UBR3: variants seen among roughly 807,000 people sequenced by gnomAD.
UBR3 encodes ubiquitin protein ligase E3 component n-recognin 3, also known as E3 ubiquitin-protein ligase UBR3.
A neutral mutation model predicts 243.2 loss-of-function variants in UBR3; 85 were observed. The observed-to-expected ratio is 0.35, with a 90% CI of 0.29 to 0.42. The LOEUF (loss-of-function observed/expected upper bound fraction) is 0.42, where lower values mean the gene tolerates loss of function less well. UBR3 is among the 10% of genes least tolerant of loss of function. The pLI is 1.00. For missense variants in UBR3, 1,686 were observed against 2,300.8 expected, an observed-to-expected ratio of 0.73 and a Z score of 5.47; for synonymous variants, 748 against 799.8, an observed-to-expected ratio of 0.94 and a Z score of 1.09.
At chr2:169,832,032 TC>T (rs2081956886) in intron 1 of UBR3, among the ~76,000 whole-genome samples, 1 of 152,212 alleles carries the variant, frequency 6.6e-6, no homozygotes, top group African/African-American at 2.4e-5. Flanking sequence ...TGTAGGATGT[TC>T]TTGATTGGAG....
rs142676416 is a variant in UBR3 at position 170,066,729 on chromosome 2, G to A, written c.5019+5286G>A. On this transcript the variant is annotated intron_variant, in intron 35 of 38. Transcript: ENST00000272793. ...CGCCTGTAATCCCAGCACTTTGGGA[G>A]GCTGAGGTGGGCGATCACAAGGTCA... is the stretch of plus-strand genomic sequence containing the variant. Among the ~76,000 whole-genome samples, 578 of 152,216 alleles carry A rather than the reference G, an allele frequency of 3.8e-3. 5 individuals carry two copies. The highest frequency in any genetic ancestry group is 0.013 in the African/African-American group (542 of 41,554).
intron 1 of UBR3, among the ~76,000 whole-genome samples, chr2:169,865,097 T>A (rs1559035840): frequency 6.6e-6 from 1 of 150,380 alleles, no homozygotes; most frequent in African/African-American, 2.4e-5. Flanking sequence ...AAAAAAAAAT[T>A]TTTTTTTTTG....
chr2:170,076,746 G>A (rs1207734025), intron 36 of UBR3, among the ~76,000 whole-genome samples: 1 of 152,208 alleles, frequency 6.6e-6, no homozygotes, highest in Non-Finnish European at 1.5e-5. Context: ...GAGCAAGGAT[G>A]TGATACCAAA....
intron 35 of UBR3, among the ~76,000 whole-genome samples, chr2:170,066,718 G>A (rs2091575783): frequency 6.6e-6 from 1 of 152,100 alleles, no homozygotes; most frequent in African/African-American, 2.4e-5. Context: ...TGTAATCCCA[G>A]CACTTTGGGA....
At chr2:169,924,330 T>C (rs1403396482) in intron 13 of UBR3, among the ~76,000 whole-genome samples, 157 bp downstream of exon 13, 1 of 152,236 alleles carries the variant, frequency 6.6e-6, no homozygotes, top group African/African-American at 2.4e-5. Flanking sequence ...GTTTAGGTAT[T>C]TTTCATTTTA....
intron 27 of UBR3, among the ~76,000 whole-genome samples, chr2:170,002,850 T>TTTTA (rs1412617006): frequency 3.9e-5 from 6 of 152,122 alleles, no homozygotes; most frequent in Admixed American, 2.0e-4. Context: ...GTAACTTTTA[T>TTTTA]TTTATTTATT....
At chr2:170,003,243 A>C (rs1427848389) in intron 27 of UBR3, among the ~76,000 whole-genome samples, 2 of 152,134 alleles carry the variant, frequency 1.3e-5, no homozygotes, top group Non-Finnish European at 2.9e-5. Flanking sequence ...TACTACATTG[A>C]GCTTTCTAAA....
chr2:169,968,899 A>G (rs1001443877), intron 24 of UBR3, among the ~76,000 whole-genome samples: 3 of 152,092 alleles, frequency 2.0e-5, no homozygotes, highest in African/African-American at 7.2e-5. Flanking sequence ...GGTGAGATGG[A>G]TGATATCTTG....
chr2:169,895,562 G>A (rs188908585), intron 7 of UBR3, among the ~76,000 whole-genome samples: 51 of 152,236 alleles, frequency 3.4e-4, no homozygotes, highest in Non-Finnish European at 1.5e-4. Context: ...GGGAATGCTG[G>A]GGAACAAACA....
intron 1 of UBR3, among the ~76,000 whole-genome samples, chr2:169,856,896 C>A (rs1365016636): frequency 6.6e-6 from 1 of 151,928 alleles, no homozygotes; most frequent in African/African-American, 2.4e-5. Context: ...AGTATGTCAT[C>A]AAACTTTTGG....
intron 8 of UBR3, among the ~76,000 whole-genome samples, chr2:169,898,117 A>C (rs549570623): frequency 6.6e-6 from 1 of 152,326 alleles, no homozygotes; most frequent in East Asian, 1.9e-4. Context: ...TAGGAGCTAA[A>C]CTTTAAAAAT....
rs2089400478 is a variant in UBR3 at position 169,994,233 on chromosome 2, T to G, written c.3785-90T>G. 7.0e-6 allele frequency: 10 copies of G among 1,436,484 alleles called. 1 individual carries two copies. Among genetic ancestry groups the G allele is most frequent in the Non-Finnish European group, 8.6e-6 (9 of 1,051,840 alleles). The allele number at this position is 1,436,484 out of a possible 1,614,324, so 89.0% of individuals were successfully genotyped here. A position where few individuals can be genotyped will look rare whatever the true frequency, so the allele number is the denominator to read the frequency against. ...ATTCTAATAGTGAAATAATTTGAGT[T>G]GCTTGTGGTAAATAACTCAGCTTTT... On this transcript the variant is annotated intron_variant, in intron 25 of 38. Transcript: ENST00000272793.
intron 9 of UBR3, 71 bp from the exon 10 acceptor site, chr2:169,905,960 A>G (rs2084995446): frequency 4.7e-6 from 7 of 1,499,112 alleles, no homozygotes; most frequent in East Asian, 5.0e-5. Flanking sequence ...GGACTGGGAA[A>G]TGTACTTGAT....
chr2:169,949,719 A>C lies in UBR3; in HGVS notation c.3199A>C (p.Ser1067Arg), dbSNP rs2086932552. The change falls in exon 23 of 39, where the codon AGT (serine) becomes CGT (arginine). Residue 1067 changes from serine (S) to arginine (R), a missense_variant. This residue lies in a region of UBR3 where 300 missense variants were observed against 314.4 expected (regional missense o/e 0.95). Transcript: ENST00000272793. ...TCAGGTGGTTCGTCCCAAAACTTCA[A>C]GTAAATGGTCTGCTCCTGGTTCAGC... ...ANQVVRPKTS[S>R]KWSAPGSAPQ... The C allele has an allele frequency of 6.4e-7, 1 of 1,551,716 alleles. No homozygotes were observed. Among genetic ancestry groups the C allele is most frequent in the Non-Finnish European group, 8.7e-7 (1 of 1,146,790 alleles).
intron 32 of UBR3, among the ~76,000 whole-genome samples, chr2:170,043,290 C>A (rs1002039567): frequency 7.9e-5 from 12 of 152,066 alleles, no homozygotes; most frequent in Non-Finnish European, 1.5e-4. Context: ...CCTGTTGTGT[C>A]AGTGTCTGAG....
rs1235790852 is a variant in UBR3 at position 169,905,260 on chromosome 2, G to A, written c.1612G>A (p.Val538Ile). 1.9e-6 allele frequency: 3 copies of A among 1,541,674 alleles called. No homozygotes were observed. The highest frequency in any genetic ancestry group is 2.0e-5 in the Admixed American group (1 of 49,380). ...ATTTTTGGAGGATCACGGTTTGTTA[G>A]TTACATGGATGAACTTTGTATCTTT... The part of the protein sequence containing the change: ...KRFLEDHGLL[V>I]TWMNFVSFFQ... The change falls in exon 9 of 39, where the codon GTT becomes ATT. Residue 538 changes from valine (V) to isoleucine (I), a missense_variant. Around this residue, in one of 8 missense-constraint regions of UBR3, gnomAD observed 346 missense variants for 585.8 expected, o/e 0.59. Coordinates refer to ENST00000272793, the MANE Select transcript of UBR3 (RefSeq NM_172070.4).
intron 1 of UBR3, among the ~76,000 whole-genome samples, chr2:169,831,107 TTA>T (rs749609873): frequency 1.2e-3 from 35 of 28,770 alleles, no homozygotes; most frequent in South Asian, 4.9e-3. Flanking sequence ...AGTTGGTACA[TTA>T]TATATATATA....
intron 5 of UBR3, among the ~76,000 whole-genome samples, chr2:169,887,312 A>G (rs2084141163): frequency 6.6e-6 from 1 of 152,088 alleles, no homozygotes; most frequent in African/African-American, 2.4e-5. Context: ...CTGGGTTGAG[A>G]TTGTATTTGA....
At chr2:169,947,954 T>A (rs2086850770) in intron 22 of UBR3, 1 of 985,110 alleles carries the variant, frequency 1.0e-6, no homozygotes, top group Non-Finnish European at 1.2e-6. Context: ...GTGTATGATA[T>A]TTTCATTAAC....
Sources: allele counts gnomAD v4.1 joint callset (sites outside exome capture counted in the v4.1 genomes callset), GRCh38; gene constraint gnomAD v4.1.1; regional missense constraint gnomAD v4.1.1; transcripts MANE v1.5; gene names NCBI Gene and HGNC (gene_info 2026-07-23, HGNC 2026-07-21).